MYH7B: variants seen among roughly 807,000 people sequenced by gnomAD.
MYH7B encodes myosin-7B.
Under a neutral mutation model 234.5 loss-of-function variants are expected in MYH7B, and 205 were observed. The observed-to-expected ratio is 0.87, with a 90% CI of 0.78 to 0.98. The LOEUF (loss-of-function observed/expected upper bound fraction) is 0.98, where lower values mean the gene tolerates loss of function less well. MYH7B is among the 50% of genes least tolerant of loss of function. The pLI, the probability that MYH7B is intolerant of heterozygous loss-of-function variation, is 0.00. For synonymous variants in MYH7B, 1,193 were observed against 1,105.0 expected (o/e 1.08, Z -1.58); for missense variants, 2,652 against 2,633.4 (o/e 1.01, Z -0.15).
rs2082215793 is a variant in MYH7B, at chr20:34,994,465, GGATAGTACAGC to G, written c.2700+67_2700+77del. 4.0e-6 allele frequency: 6 copies of G among 1,496,176 alleles called. No homozygotes were observed. The South Asian group carries it at 8.1e-5, about 20-fold the overall frequency. 92.7% of individuals were successfully genotyped at this position (1,496,176 alleles called of 1,614,324 possible). On this transcript the variant is annotated intron_variant, in intron 27 of 44. Coordinates refer to ENST00000262873, the Ensembl canonical transcript of MYH7B. ...CCCGAGTACCCCTGGCTGCTCTGAGGGATAGTACAGCGAGACCCATGGGGCTCAGGCCTTAT... is the reference window on the plus strand; with the variant it reads ...CCCGAGTACCCCTGGCTGCTCTGAGGGAGACCCATGGGGCTCAGGCCTTAT...
intron 22 of MYH7B, 81 bp downstream of exon 22, chr20:34,990,391 C>T (rs753039633): frequency 6.7e-7 from 1 of 1,494,370 alleles, no homozygotes; most frequent in Non-Finnish European, 9.3e-7. Flanking sequence ...GTCCCCTGTG[C>T]CTTGGGCGGG....
rs199813555 is a variant in MYH7B, at chr20:34,998,371, G to A, written c.3824G>A (p.Arg1275Gln). 315 of 1,613,700 alleles carry A rather than the reference G, an allele frequency of 2.0e-4. No individual in the cohort carries two copies. The highest frequency in any genetic ancestry group is 9.9e-4 in the Middle Eastern group (6 of 6,062). Reference sequence around the variant, plus strand: ...AAGATCAAGGTGGAGGAGCTGCAGCGGCAGCTGGCGGACGCAAGCACGCAG... The same window carrying A: ...AAGATCAAGGTGGAGGAGCTGCAGCAGCAGCTGGCGGACGCAAGCACGCAG... The change falls in exon 33 of 45, where the codon CGG becomes CAG. Residue 1275 changes from arginine to glutamine, a missense_variant. Arg to Gln is a conservative substitution (Grantham distance 43). Around this residue, in one of 3 missense-constraint regions of MYH7B, gnomAD observed 2,279 missense variants for 2,211.4 expected, o/e 1.03. Coordinates refer to ENST00000262873, the Ensembl canonical transcript of MYH7B.
At chr20:34,962,114 C>T (rs2081703820) in intron 2 of MYH7B, among the ~76,000 whole-genome samples, 1 of 152,156 alleles carries the variant, frequency 6.6e-6, no homozygotes, top group Non-Finnish European at 1.5e-5. Context: ...GTCATCCCCA[C>T]TACTAGGGAG....
At chr20:35,000,036 G>A (rs2082340209) in intron 38 of MYH7B, 130 bp downstream of exon 38, 5 of 967,784 alleles carry the variant, frequency 5.2e-6, no homozygotes, top group African/African-American at 1.6e-5. Flanking sequence ...TTCTAGCTGT[G>A]AACCTCGGAG....
At chr20:34,966,299 C>T (rs2081741425) in intron 2 of MYH7B, among the ~76,000 whole-genome samples, 1 of 152,176 alleles carries the variant, frequency 6.6e-6, no homozygotes, top group South Asian at 2.1e-4. Context: ...GAGTACCACT[C>T]AGCAATAAAG....
At chr20:34,984,593 CT>C (rs1203239885) in intron 10 of MYH7B, 98 bp from the exon 11 acceptor site, 1 of 1,082,492 alleles carries the variant, frequency 9.2e-7, no homozygotes, top group Non-Finnish European at 1.4e-6. Context: ...CTCCACCCCC[CT>C]GTCCTGCTGC....
At chr20:34,962,262 T>C (rs149920054) in intron 2 of MYH7B, among the ~76,000 whole-genome samples, 1 of 152,300 alleles carries the variant, frequency 6.6e-6, no homozygotes, top group African/African-American at 2.4e-5. Flanking sequence ...TGAACATTCA[T>C]GTACAGGTTT....
In MYH7B at chr20:34,995,360, G is replaced by A. The variant is rs370896124; in HGVS notation, c.2725G>A (p.Glu909Lys). 7 of 1,613,374 alleles carry A rather than the reference G, an allele frequency of 4.3e-6. No individual in the cohort carries two copies. The highest frequency in any genetic ancestry group is 1.7e-4 in the Middle Eastern group (1 of 5,842). ...GGAGCAGGACAACCTGGCAGATGCC[G>A]AGGAGCGCTGCCACTTGCTGATCAA... Residue 909 changes from glutamate to lysine, a missense_variant, in exon 28 of 45, where the codon GAG becomes AAG. Coordinates refer to ENST00000262873, the Ensembl canonical transcript of MYH7B.
chr20:34,958,753 C>T (rs1024487845), intron 2 of MYH7B, among the ~76,000 whole-genome samples: 8 of 152,168 alleles, frequency 5.3e-5, no homozygotes, highest in South Asian at 2.1e-4. Context: ...CGTGAGCCAC[C>T]GTGCCCGGCC....
At chr20:35,000,147 G>A in intron 38 of MYH7B, 146 bp from the exon 39 acceptor site, 2 of 1,080,316 alleles carry the variant, frequency 1.9e-6, no homozygotes, top group South Asian at 1.5e-5. Context: ...TGCTCTGATG[G>A]GCCACAGGCA....
chr20:34,991,148 T>C (rs2082140788), intron 24 of MYH7B, 27 bp downstream of exon 24: 2 of 1,522,374 alleles, frequency 1.3e-6, no homozygotes, highest in East Asian at 4.5e-5. Context: ...CCCTGCCTGC[T>C]GCTCCAGGTG....
intron 38 of MYH7B, 83 bp downstream of exon 38, chr20:34,999,989 C>A: frequency 7.6e-7 from 1 of 1,309,992 alleles, no homozygotes; most frequent in South Asian, 1.3e-5. Flanking sequence ...TAGTCTGTCC[C>A]TCCCATGGGA....
chr20:34,995,461 C>T, exon 28 of MYH7B: 1 of 1,613,828 alleles, frequency 6.2e-7, no homozygotes. Flanking sequence ...TGAACGCTGA[C>T]CTGGCCGCCC....
At chr20:34,961,477 A>G (rs1017846609) in intron 2 of MYH7B, among the ~76,000 whole-genome samples, 8 of 152,138 alleles carry the variant, frequency 5.3e-5, no homozygotes, top group Non-Finnish European at 8.8e-5. Flanking sequence ...TATTATTCCT[A>G]TGCAATGTTT....
Position 34,994,242 on chromosome 20 carries a change from G to GCGCT in MYH7B, c.2544_2547dup (p.Ala850LeufsTer5). 1.2e-6 allele frequency: 2 copies of GCGCT among 1,613,142 alleles called. No individual in the cohort carries two copies. Among genetic ancestry groups the GCGCT allele is most frequent in the Non-Finnish European group, 1.7e-6 (2 of 1,179,922 alleles). ...TCTTTTTCAAGATGAAGCCGCTGCT[G>GCGCT]CGCTCGGCGCAGGCTGAGGAGGAGC... On this transcript the variant is annotated frameshift_variant, in exon 27 of 45. Coordinates refer to ENST00000262873, the Ensembl canonical transcript of MYH7B. LOFTEE classifies it high-confidence loss of function.
exon 32 of MYH7B, chr20:34,997,488 C>T: frequency 2.6e-6 from 4 of 1,555,844 alleles, no homozygotes; most frequent in Non-Finnish European, 3.5e-6. Flanking sequence ...AGTGGCGGCA[C>T]TGCGGCGCAA....
intron 10 of MYH7B, among the ~76,000 whole-genome samples, chr20:34,982,803 G>A (rs1307362750): frequency 2.0e-5 from 3 of 152,122 alleles, no homozygotes; most frequent in East Asian, 1.9e-4. Context: ...CCACGTTGCC[G>A]TTTCTAAATT....
chr20:34,984,062 G>A (rs2081979811), intron 10 of MYH7B, among the ~76,000 whole-genome samples: 1 of 152,226 alleles, frequency 6.6e-6, no homozygotes, highest in African/African-American at 2.4e-5. Flanking sequence ...CACCTGCCCT[G>A]CCGCTCCTGA....
At chr20:34,984,910 C>G (rs372744056) in exon 12 of MYH7B, 12 of 1,614,070 alleles carry the variant, frequency 7.4e-6, no homozygotes, top group African/African-American at 1.3e-5. Flanking sequence ...CCTTTGGCAA[C>G]GCCAAGACCC....
Sources: allele counts gnomAD v4.1 joint callset (sites outside exome capture counted in the v4.1 genomes callset), GRCh38; gene constraint gnomAD v4.1.1; regional missense constraint gnomAD v4.1.1; transcripts MANE v1.5; gene names NCBI Gene and HGNC (gene_info 2026-07-23, HGNC 2026-07-21).